The following MARCHF8 variants were observed in gnomAD, a reference collection of about 807,000 sequenced individuals.
MARCHF8 encodes E3 ubiquitin-protein ligase MARCHF8.
A neutral mutation model predicts 51.6 loss-of-function variants in MARCHF8; 40 were observed. The observed-to-expected ratio is 0.77, with a 90% CI of 0.60 to 1.01. The LOEUF is 1.01. Ranked by LOEUF, MARCHF8 falls within the 50% of genes least tolerant of loss-of-function variation. MARCHF8 has a pLI of 0.00. For synonymous variants in MARCHF8, 263 were observed against 280.3 expected (o/e 0.94, Z 0.62); for missense variants, 685 against 708.6 (o/e 0.97, Z 0.38).
chr10:45,516,233 C>G (rs2043615643), intron 2 of MARCHF8, among the ~76,000 whole-genome samples: 2 of 152,306 alleles, frequency 1.3e-5, no homozygotes, highest in Admixed American at 1.3e-4. Context: ...TAAGGTTGAT[C>G]ACTATGCTTC....
chr10:45,470,891 G>C (rs2042676860), intron 3 of MARCHF8, among the ~76,000 whole-genome samples: 1 of 152,154 alleles, frequency 6.6e-6, no homozygotes. Context: ...GCTTCATTAT[G>C]AGTAACTCTG....
chr10:45,539,589 GAA>G (rs1352679943), upstream of MARCHF8, among the ~76,000 whole-genome samples: 2 of 152,064 alleles, frequency 1.3e-5, no homozygotes, highest in African/African-American at 4.8e-5. Flanking sequence ...TAATAAAGAA[GAA>G]AAGACAGAAG....
chr10:45,572,685 C>G (rs1320588848), intron 1 of MARCHF8, among the ~76,000 whole-genome samples: 2 of 152,080 alleles, frequency 1.3e-5, no homozygotes, highest in Non-Finnish European at 2.9e-5. Context: ...TTCCTTCTTT[C>G]CCTCCCGCCT....
chr10:45,465,696 A>G (rs17451516), intron 3 of MARCHF8, among the ~76,000 whole-genome samples: 2,070 of 152,324 alleles, frequency 0.014, 23 homozygotes, highest in Middle Eastern at 0.017. Flanking sequence ...ATGCAAGTCC[A>G]CCTGAAGAAA....
rs541341409 is a variant in MARCHF8, at chr10:45,508,502, C to G, written c.103-19085G>C. Among the ~76,000 whole-genome samples the G allele has an allele frequency of 1.6e-4, 25 of 152,254 alleles. No individual in the cohort carries two copies. The South Asian group carries it at 5.0e-3, about 30-fold the overall frequency. On this transcript the variant is annotated intron_variant, in intron 2 of 7. Transcript: ENST00000453424. ...TCTGCACTGTATAGCTGTTATCACT[C>G]TTATGTTTTAAAATGTTAACTTGGT...
chr10:45,518,815 A>G (rs573195189), intron 2 of MARCHF8, among the ~76,000 whole-genome samples: 153 of 152,330 alleles, frequency 1.0e-3, no homozygotes, highest in African/African-American at 3.6e-3. Flanking sequence ...GTAACTTTCA[A>G]GAGCATTCCC....
chr10:45,555,232 A>G lies in MARCHF8; in HGVS notation c.-78-21943T>C, dbSNP rs80035739. ...CAACAAAAGCAACACTCTTGTCTCA[A>G]GAAAAAAAGAAGGGACAATTTGATC... On this transcript the variant is annotated intron_variant, in intron 1 of 6. Coordinates refer to the MARCHF8 transcript ENST00000319836. 1.8e-3 allele frequency among the ~76,000 whole-genome samples: 279 copies of G among 152,172 alleles called. 5 individuals are homozygous for G. In the East Asian group the frequency reaches 0.027, roughly 15 times the overall value.
At chr10:45,576,874 T>C (rs1372527826) in intron 1 of MARCHF8, among the ~76,000 whole-genome samples, 5 of 150,340 alleles carry the variant, frequency 3.3e-5, no homozygotes, top group African/African-American at 4.9e-5. Flanking sequence ...GGAAGATCAC[T>C]GGAGCTCAGG....
exon 1 of MARCHF8, chr10:45,594,508 G>A (rs1026953494): frequency 2.6e-5 from 4 of 152,384 alleles, no homozygotes; most frequent in Admixed American, 2.6e-4. Flanking sequence ...CGCGAGCACC[G>A]GGGCAGAGAG....
chr10:45,465,434 T>G (rs1234960147), intron 3 of MARCHF8, among the ~76,000 whole-genome samples: 1 of 152,160 alleles, frequency 6.6e-6, no homozygotes, highest in Admixed American at 6.5e-5. Flanking sequence ...CACCATTCCC[T>G]GGCTGAGGCC....
At chr10:45,513,380 A>T (rs1207453163) in intron 2 of MARCHF8, among the ~76,000 whole-genome samples, 1 of 152,098 alleles carries the variant, frequency 6.6e-6, no homozygotes, top group African/African-American at 2.4e-5. Context: ...ACCTACTATG[A>T]GCCAGGTACA....
intron 3 of MARCHF8, among the ~76,000 whole-genome samples, chr10:45,478,265 T>C (rs191839762): frequency 1.3e-5 from 2 of 152,176 alleles, no homozygotes; most frequent in East Asian, 1.9e-4. Context: ...TACAATTACA[T>C]GGAAATTAAA....
At chr10:45,459,291 A>G (rs1455181072) in intron 6 of MARCHF8, 24 bp from the exon 7 acceptor site, 2 of 1,610,598 alleles carry the variant, frequency 1.2e-6, no homozygotes, top group Non-Finnish European at 1.7e-6. Context: ...ACAGAGTGTG[A>G]GGCTCAGGCT....
intron 2 of MARCHF8, among the ~76,000 whole-genome samples, chr10:45,505,277 T>C (rs1232834946): frequency 6.6e-6 from 1 of 152,206 alleles, no homozygotes; most frequent in East Asian, 1.9e-4. Flanking sequence ...TCAGTAGGAT[T>C]GGGTCCCCAC....
At chr10:45,564,220 G>T (rs1310534165) in intron 1 of MARCHF8, among the ~76,000 whole-genome samples, 2 of 152,238 alleles carry the variant, frequency 1.3e-5, no homozygotes, top group African/African-American at 4.8e-5. Context: ...AAGCTGCAGT[G>T]AGCAGATTGT....
intron 2 of MARCHF8, among the ~76,000 whole-genome samples, chr10:45,512,704 A>G (rs2043548750): frequency 6.6e-6 from 1 of 150,418 alleles, no homozygotes; most frequent in African/African-American, 2.5e-5. Context: ...CTGCCCGGCC[A>G]CCACCCCGTC....
At chr10:45,541,269 A>G (rs2133307176) in intron 1 of MARCHF8, among the ~76,000 whole-genome samples, 1 of 152,346 alleles carries the variant, frequency 6.6e-6, no homozygotes, top group African/African-American at 2.4e-5. Flanking sequence ...TGTCCTTTGT[A>G]GGGACATGGA....
At chr10:45,513,895 G>A (rs2043577153) in intron 2 of MARCHF8, among the ~76,000 whole-genome samples, 1 of 152,156 alleles carries the variant, frequency 6.6e-6, no homozygotes, top group Non-Finnish European at 1.5e-5. Context: ...GAATTGGAGT[G>A]GCTTCTGAAA....
chr10:45,489,587 T>C (rs2043046230), intron 2 of MARCHF8, among the ~76,000 whole-genome samples, 170 bp from the exon 3 acceptor site: 1 of 152,158 alleles, frequency 6.6e-6, no homozygotes. Context: ...TATTGCACAT[T>C]TGGGCAAAAT....
Sources: gnomAD v4.1 joint callset for allele counts (sites outside exome capture counted in the v4.1 genomes callset) on GRCh38, gnomAD v4.1.1 for gene constraint, MANE v1.5 for transcripts, NCBI Gene and HGNC (gene_info 2026-07-23, HGNC 2026-07-21) for gene names.